FHIT: variants seen among roughly 807,000 people sequenced by gnomAD.
FHIT encodes fragile histidine triad diadenosine triphosphatase, also known as bis(5'-adenosyl)-triphosphatase.
Under a neutral mutation model 17.9 loss-of-function variants are expected in FHIT, and 19 were observed. The observed-to-expected ratio is 1.06, with a 90% CI of 0.74 to 1.56. FHIT has a LOEUF of 1.56. Ranked by LOEUF, FHIT falls within the 40% of genes most tolerant of loss-of-function variation. FHIT has a pLI of 0.00. For missense variants in FHIT, 248 were observed against 189.2 expected, an observed-to-expected ratio of 1.31 and a Z score of -1.82; for synonymous variants, 81 against 69.7, an observed-to-expected ratio of 1.16 and a Z score of -0.81.
At chr3:60,150,716 G>A (rs529354829) in intron 5 of FHIT, among the ~76,000 whole-genome samples, 11 of 152,102 alleles carry the variant, frequency 7.2e-5, no homozygotes, top group Admixed American at 1.3e-4. Context: ...TCAGGAGTTC[G>A]AGACCAGCCT....
At chr3:60,292,498 A>G (rs1270254587) in intron 5 of FHIT, among the ~76,000 whole-genome samples, 1 of 152,050 alleles carries the variant, frequency 6.6e-6, no homozygotes, top group African/African-American at 2.4e-5. Flanking sequence ...TCTTTCTTTA[A>G]CTTTTACAAC....
intron 2 of FHIT, among the ~76,000 whole-genome samples, chr3:61,166,790 A>T (rs1171361669): frequency 6.6e-6 from 1 of 152,212 alleles, no homozygotes; most frequent in East Asian, 1.9e-4. Flanking sequence ...ATTGCTAGGC[A>T]CTATGTGAGG....
chr3:61,191,911 C>T (rs771293209), intron 2 of FHIT, among the ~76,000 whole-genome samples: 15 of 152,102 alleles, frequency 9.9e-5, no homozygotes, highest in Non-Finnish European at 1.9e-4. Flanking sequence ...AGCCCCATTC[C>T]GCGTGCCAGT....
chr3:60,120,861 A>G (rs35011630), intron 5 of FHIT, among the ~76,000 whole-genome samples: 44,289 of 151,002 alleles, frequency 0.29, 6,874 homozygotes, highest in Non-Finnish European at 0.35. Flanking sequence ...TTTTTCCACC[A>G]TTTGCTCACA....
chr3:60,865,609 C>G (rs1704121202), intron 3 of FHIT, among the ~76,000 whole-genome samples: 1 of 152,090 alleles, frequency 6.6e-6, no homozygotes, highest in Non-Finnish European at 1.5e-5. Context: ...AAGAGACTCT[C>G]TATGGAGACA....
chr3:60,325,685 C>T (rs529647864), intron 5 of FHIT, among the ~76,000 whole-genome samples: 1 of 152,248 alleles, frequency 6.6e-6, no homozygotes, highest in African/African-American at 2.4e-5. Flanking sequence ...TTTCAAACAT[C>T]ATAAACCAAG....
At chr3:60,100,194 C>T (rs565033389) in intron 5 of FHIT, among the ~76,000 whole-genome samples, 30 of 152,094 alleles carry the variant, frequency 2.0e-4, no homozygotes, top group Middle Eastern at 3.4e-3. Context: ...GCCTGACCCC[C>T]GTCAATATGG....
At chr3:60,344,328 C>T (rs1710669262) in intron 5 of FHIT, among the ~76,000 whole-genome samples, 2 of 152,062 alleles carry the variant, frequency 1.3e-5, no homozygotes, top group African/African-American at 4.8e-5. Context: ...TGAGATGCGT[C>T]CAACAAAGAG....
intron 8 of FHIT, among the ~76,000 whole-genome samples, chr3:59,833,585 C>G (rs141203256): frequency 8.3e-4 from 126 of 152,272 alleles, no homozygotes; most frequent in African/African-American, 2.7e-3. Flanking sequence ...TTTAAGACAC[C>G]TAGTTTGTAA....
intron 4 of FHIT, among the ~76,000 whole-genome samples, chr3:60,800,202 A>G (rs1315851658): frequency 1.3e-5 from 2 of 152,126 alleles, no homozygotes; most frequent in African/African-American, 4.8e-5. Context: ...TATTTCTTTC[A>G]CTAATTCAAA....
chr3:59,840,323 G>C (rs1273294713), intron 8 of FHIT, among the ~76,000 whole-genome samples: 2 of 150,956 alleles, frequency 1.3e-5, no homozygotes, highest in Non-Finnish European at 1.5e-5. Flanking sequence ...GATAAGGATG[G>C]CAAACCCACT....
intron 5 of FHIT, among the ~76,000 whole-genome samples, chr3:60,224,295 G>C (rs1704091577): frequency 6.6e-6 from 1 of 152,052 alleles, no homozygotes; most frequent in African/African-American, 2.4e-5. Context: ...TCCCTCTTGT[G>C]AAAACTGTCC....
chr3:60,024,482 CTG>C (rs1700663557), intron 5 of FHIT, among the ~76,000 whole-genome samples: 1 of 152,104 alleles, frequency 6.6e-6, no homozygotes. Flanking sequence ...TTCAAGAACT[CTG>C]TATTTTTTTG....
chr3:60,956,055 A>G (rs1351872591), intron 3 of FHIT, among the ~76,000 whole-genome samples: 1 of 152,176 alleles, frequency 6.6e-6, no homozygotes, highest in African/African-American at 2.4e-5. Flanking sequence ...TCCTCATGCA[A>G]CTAGAATAGT....
intron 5 of FHIT, among the ~76,000 whole-genome samples, chr3:60,414,967 A>G (rs532403262): frequency 2.0e-5 from 3 of 152,158 alleles, no homozygotes; most frequent in Non-Finnish European, 2.9e-5. Context: ...TCTTCCCCCA[A>G]ATCATTTGGG....
In FHIT at chr3:60,332,327, T is replaced by C. The variant is rs143570863; in HGVS notation, c.103+204533A>G. The stretch of plus-strand genomic sequence containing the variant: ...TGCTGCCTTTCCAACCTACCCAAGA[T>C]GACTGAGCCTCTGGCCTGATCAAGG... On this transcript the variant is annotated intron_variant, in intron 5 of 9. Transcript: ENST00000492590. 1.3e-3 allele frequency among the ~76,000 whole-genome samples: 197 copies of C among 152,332 alleles called. 1 individual carries two copies. Among genetic ancestry groups the C allele is most frequent in the Middle Eastern group, 0.01 (3 of 294 alleles).
intron 8 of FHIT, among the ~76,000 whole-genome samples, chr3:59,814,674 C>T (rs1446434765): frequency 6.6e-6 from 1 of 152,162 alleles, no homozygotes; most frequent in Non-Finnish European, 1.5e-5. Flanking sequence ...CATAATATTT[C>T]TCCCCTATTA....
chr3:60,583,580 G>A (rs546396905), intron 4 of FHIT, among the ~76,000 whole-genome samples: 1 of 152,122 alleles, frequency 6.6e-6, no homozygotes, highest in East Asian at 1.9e-4. Flanking sequence ...TCATTTTCAT[G>A]TGTCACCAAT....
intron 3 of FHIT, among the ~76,000 whole-genome samples, chr3:60,963,397 T>C (rs1709558796): frequency 6.6e-6 from 1 of 152,224 alleles, no homozygotes; most frequent in Non-Finnish European, 1.5e-5. Flanking sequence ...GATTCACTGA[T>C]TTTTTGAAGG....
Sources: allele counts gnomAD v4.1 joint callset (sites outside exome capture counted in the v4.1 genomes callset), GRCh38; gene constraint gnomAD v4.1.1; transcripts MANE v1.5; gene names NCBI Gene and HGNC (gene_info 2026-07-23, HGNC 2026-07-21).